The following TLL1 variants were observed in gnomAD, a reference collection of about 807,000 sequenced individuals.
TLL1 encodes the protein tolloid like 1.
A neutral mutation model predicts 128.2 loss-of-function variants in TLL1; 49 were observed. That is an observed-to-expected ratio of 0.38 (90% confidence interval 0.30 to 0.48). TLL1 has a LOEUF of 0.48. TLL1 is among the 20% of genes least tolerant of loss of function. The probability of loss-of-function intolerance (pLI) is 0.96; values close to 1 mark genes in which losing one functional copy is unlikely to be tolerated. For synonymous variants in TLL1, 454 were observed against 418.8 expected, an observed-to-expected ratio of 1.08 and a Z score of -1.03; for missense variants, 1,123 against 1,242.0, an observed-to-expected ratio of 0.90 and a Z score of 1.44.
intron 19 of TLL1, among the ~76,000 whole-genome samples, chr4:166,095,967 A>G (rs1443235109): frequency 6.6e-6 from 1 of 152,152 alleles, no homozygotes; most frequent in African/African-American, 2.4e-5. Flanking sequence ...AGCATCTTTT[A>G]AAATGACCTA....
intron 1 of TLL1, among the ~76,000 whole-genome samples, chr4:165,927,264 G>A (rs539458169): frequency 6.6e-6 from 1 of 152,308 alleles, no homozygotes; most frequent in South Asian, 2.1e-4. Flanking sequence ...CGTAGGCGAT[G>A]TTGTGTAGTA....
At chr4:166,092,612 G>A (rs1741823383) in intron 19 of TLL1, among the ~76,000 whole-genome samples, 1 of 152,050 alleles carries the variant, frequency 6.6e-6, no homozygotes, top group African/African-American at 2.4e-5. Flanking sequence ...TTCACTGATA[G>A]CGCAGAGTTC....
At position 165,977,954 on chromosome 4, in the gene TLL1, G is replaced by A. The variant is rs565008050; in HGVS notation, c.170-11427G>A. Among the ~76,000 whole-genome samples, 46 of 152,148 alleles carry A rather than the reference G, an allele frequency of 3.0e-4. 1 individual carries two copies. In the South Asian group the frequency reaches 7.5e-3, roughly 25 times the overall value. On this transcript the variant is annotated intron_variant, in intron 1 of 20. Transcript: ENST00000061240. Reference sequence around the variant, plus strand: ...CTAGCATCCTCTAATTGTATTTTTAGTGTTACTATGAACTAATGGGTTTAA... The same window carrying A: ...CTAGCATCCTCTAATTGTATTTTTAATGTTACTATGAACTAATGGGTTTAA...
intron 9 of TLL1, chr4:166,031,000 A>C (rs774280949): frequency 6.4e-6 from 6 of 941,168 alleles, no homozygotes; most frequent in Non-Finnish European, 7.6e-6. Flanking sequence ...TTTGCACATT[A>C]AAGTTATCAA....
At chr4:165,951,510 A>G (rs1358108277) in intron 1 of TLL1, among the ~76,000 whole-genome samples, 2 of 152,172 alleles carry the variant, frequency 1.3e-5, no homozygotes, top group Non-Finnish European at 2.9e-5. Context: ...ATGGGCAGTG[A>G]ATGTGGTCAG....
intron 1 of TLL1, among the ~76,000 whole-genome samples, chr4:165,892,540 C>A (rs1731475228): frequency 6.6e-6 from 1 of 152,126 alleles, no homozygotes; most frequent in Admixed American, 6.5e-5. Flanking sequence ...TGAAAATATG[C>A]CATTAATGTT....
intron 6 of TLL1, among the ~76,000 whole-genome samples, chr4:166,005,137 A>C (rs901707847): frequency 6.6e-6 from 1 of 152,044 alleles, no homozygotes; most frequent in Non-Finnish European, 1.5e-5. Context: ...AACAAGATGA[A>C]TGTTGGTACC....
intron 1 of TLL1, among the ~76,000 whole-genome samples, chr4:165,952,097 C>T (rs557262455): frequency 2.0e-5 from 3 of 152,180 alleles, no homozygotes; most frequent in African/African-American, 7.2e-5. Flanking sequence ...ACTTGTGGTA[C>T]AAATATTTCC....
intron 9 of TLL1, among the ~76,000 whole-genome samples, chr4:166,030,157 T>C (rs1292711362): frequency 2.0e-5 from 3 of 152,136 alleles, no homozygotes; most frequent in Non-Finnish European, 4.4e-5. Context: ...ACACTTGTTA[T>C]TTTCTGTTGT....
Position 166,014,565 on chromosome 4 carries a change from T to C in TLL1, c.1042+5T>C, listed in dbSNP as rs745633346. On this transcript the variant is annotated splice_donor_5th_base_variant and intron_variant, in intron 8 of 20. Coordinates refer to ENST00000061240, the MANE Select transcript of TLL1 (RefSeq NM_012464.5). The stretch of plus-strand genomic sequence containing the variant: ...GAAAGCTGTATAGATGTCCAGGTAT[T>C]GCACTACACAAACACAAGAGCATGA... The C allele has an allele frequency of 1.9e-6, 3 of 1,611,408 alleles. No individual in the cohort carries two copies. Among genetic ancestry groups the C allele is most frequent in the Non-Finnish European group, 2.5e-6 (3 of 1,178,216 alleles).
At chr4:165,937,005 C>T (rs1236573053) in intron 1 of TLL1, among the ~76,000 whole-genome samples, 2 of 151,976 alleles carry the variant, frequency 1.3e-5, no homozygotes, top group Non-Finnish European at 2.9e-5. Flanking sequence ...CTTTATTGTC[C>T]CTACTTTTAA....
intron 1 of TLL1, among the ~76,000 whole-genome samples, chr4:165,963,403 G>C (rs928096542): frequency 6.6e-6 from 1 of 152,064 alleles, no homozygotes; most frequent in African/African-American, 2.4e-5. Flanking sequence ...CTTGAACAAA[G>C]GCTGAAATGA....
chr4:166,000,450 C>T (rs1737094978), intron 5 of TLL1, among the ~76,000 whole-genome samples: 1 of 152,066 alleles, frequency 6.6e-6, no homozygotes, highest in Admixed American at 6.6e-5. Context: ...TCTATTTTTC[C>T]TTTCCAGTGT....
intron 5 of TLL1, among the ~76,000 whole-genome samples, chr4:165,998,469 T>G (rs1277807648): frequency 6.6e-6 from 1 of 152,124 alleles, no homozygotes; most frequent in Non-Finnish European, 1.5e-5. Flanking sequence ...GTATTTAACT[T>G]TGGTCTATTT....
intron 1 of TLL1, among the ~76,000 whole-genome samples, chr4:165,892,557 G>T (rs1731476796): frequency 6.6e-6 from 1 of 151,722 alleles, no homozygotes; most frequent in South Asian, 2.1e-4. Flanking sequence ...TGTTTTTTTT[G>T]AGTTAAGCAT....
intron 1 of TLL1, among the ~76,000 whole-genome samples, chr4:165,888,970 G>A (rs768438114): frequency 3.3e-5 from 5 of 152,214 alleles, no homozygotes; most frequent in Admixed American, 2.0e-4. Flanking sequence ...TTGAAAGCTG[G>A]TTTTAGTCCT....
intron 1 of TLL1, among the ~76,000 whole-genome samples, chr4:165,974,609 T>C (rs1302957966): frequency 6.6e-6 from 1 of 152,248 alleles, no homozygotes; most frequent in African/African-American, 2.4e-5. Flanking sequence ...GCTACCCAAT[T>C]TACTATCCTT....
intron 8 of TLL1, among the ~76,000 whole-genome samples, chr4:166,024,918 C>A (rs141297853): frequency 6.6e-6 from 1 of 151,996 alleles, no homozygotes; most frequent in African/African-American, 2.4e-5. Context: ...TTAAGCTTAG[C>A]CTCAATTTAA....
At chr4:165,967,815 T>C (rs1448351029) in intron 1 of TLL1, among the ~76,000 whole-genome samples, 1 of 151,918 alleles carries the variant, frequency 6.6e-6, no homozygotes, top group Non-Finnish European at 1.5e-5. Flanking sequence ...AGAAAAGGAG[T>C]AGAGCAATGC....
Sources: gnomAD v4.1 joint callset for allele counts (sites outside exome capture counted in the v4.1 genomes callset) on GRCh38, gnomAD v4.1.1 for gene constraint, MANE v1.5 for transcripts, NCBI Gene and HGNC (gene_info 2026-07-23, HGNC 2026-07-21) for gene names.